Variants in ATP8B4 observed in about 807,000 individuals in gnomAD.
The protein encoded by ATP8B4 is ATPase phospholipid transporting 8B4 (putative).
A neutral mutation model predicts 145.6 loss-of-function variants in ATP8B4; 133 were observed. That is an observed-to-expected ratio of 0.91 (90% CI 0.79 to 1.05). The LOEUF (loss-of-function observed/expected upper bound fraction) is 1.05. Ranked by LOEUF, ATP8B4 falls within the 50% of genes least tolerant of loss-of-function variation. ATP8B4 has a pLI of 0.00. For synonymous variants in ATP8B4, 507 were observed against 492.9 expected (o/e 1.03, Z -0.38); for missense variants, 1,458 against 1,425.2 (o/e 1.02, Z -0.37).
chr15:49,922,213 A>G (rs1390934107), intron 17 of ATP8B4: 3 of 182,398 alleles, frequency 1.6e-5, no homozygotes, highest in African/African-American at 7.2e-5. Flanking sequence ...AGCAAGTTAA[A>G]TTTATATTAC....
intron 3 of ATP8B4, among the ~76,000 whole-genome samples, chr15:50,051,589 G>T (rs1181124050): frequency 1.3e-5 from 2 of 152,162 alleles, no homozygotes; most frequent in Non-Finnish European, 2.9e-5. Flanking sequence ...GCAAAATAGG[G>T]TGTTGGTACT....
At chr15:50,106,898 T>C (rs748813641) in intron 2 of ATP8B4, 41 bp downstream of exon 2, 15 of 1,560,674 alleles carry the variant, frequency 9.6e-6, no homozygotes, top group Non-Finnish European at 1.3e-5. Context: ...ATTATATTTT[T>C]AAAATATCAC....
intron 1 of ATP8B4, among the ~76,000 whole-genome samples, chr15:50,158,472 C>A (rs969085548): frequency 6.6e-6 from 1 of 150,954 alleles, no homozygotes; most frequent in Admixed American, 6.6e-5. Flanking sequence ...CCGCCCCGTC[C>A]GGGAGGGAGG....
chr15:50,169,522 T>C (rs1388570127), intron 1 of ATP8B4, among the ~76,000 whole-genome samples: 1 of 152,174 alleles, frequency 6.6e-6, no homozygotes, highest in African/African-American at 2.4e-5. Flanking sequence ...CAAAAAATTC[T>C]GAACAACACC....
chr15:50,099,834 T>C (rs1600376232), intron 2 of ATP8B4, among the ~76,000 whole-genome samples: 1 of 150,548 alleles, frequency 6.6e-6, no homozygotes, highest in Admixed American at 6.6e-5. Flanking sequence ...AGGTCAGGAG[T>C]TCAAGACCAA....
chr15:50,115,100 G>A (rs1156592438), intron 1 of ATP8B4, among the ~76,000 whole-genome samples: 4 of 152,202 alleles, frequency 2.6e-5, no homozygotes, highest in Non-Finnish European at 5.9e-5. Flanking sequence ...GGAGGCCAAG[G>A]TGGGCAGATG....
intron 2 of ATP8B4, among the ~76,000 whole-genome samples, chr15:50,091,407 T>G (rs1249800357): frequency 6.6e-6 from 1 of 152,146 alleles, no homozygotes; most frequent in Non-Finnish European, 1.5e-5. Flanking sequence ...GGATGAAAAT[T>G]TTTACTTAAA....
chr15:49,927,114 A>C (rs2040794193), intron 16 of ATP8B4, among the ~76,000 whole-genome samples: 1 of 152,166 alleles, frequency 6.6e-6, no homozygotes, highest in African/African-American at 2.4e-5. Context: ...GTCCTTCCAA[A>C]ACTATATAAT....
At chr15:50,064,196 C>T (rs1299024298) in intron 3 of ATP8B4, among the ~76,000 whole-genome samples, 2 of 150,412 alleles carry the variant, frequency 1.3e-5, no homozygotes, top group African/African-American at 4.8e-5. Context: ...TAAAAAAAGC[C>T]CTTCTTCCCT....
rs367716194 is a variant in ATP8B4 at position 50,044,704 on chromosome 15, A to T, written c.202-12T>A. The T allele has an allele frequency of 6.3e-7, 1 of 1,587,136 alleles. No individual in the cohort carries two copies. Among genetic ancestry groups the T allele is most frequent in the East Asian group, 2.2e-5 (1 of 44,712 alleles). ...ATTTCTGGAATTAGCTGAAACAAAC[A>T]TTCCAAATAGTTTAGGGCTTTTAAA... On this transcript the variant is annotated splice_polypyrimidine_tract_variant and intron_variant, in intron 4 of 27. Transcript: ENST00000284509.
At chr15:50,065,542 T>A (rs2053324243) in intron 3 of ATP8B4, among the ~76,000 whole-genome samples, 1 of 152,188 alleles carries the variant, frequency 6.6e-6, no homozygotes, top group African/African-American at 2.4e-5. Flanking sequence ...CACAGTTGAT[T>A]TATGGATTAT....
At chr15:50,087,571 G>A (rs540120715) in intron 2 of ATP8B4, among the ~76,000 whole-genome samples, 5 of 151,164 alleles carry the variant, frequency 3.3e-5, no homozygotes, top group African/African-American at 1.2e-4. Flanking sequence ...CTTTTTTCAT[G>A]GGGATTTCAC....
chr15:50,159,320 C>T (rs1421290948), intron 1 of ATP8B4, among the ~76,000 whole-genome samples: 1 of 152,114 alleles, frequency 6.6e-6, no homozygotes, highest in African/African-American at 2.4e-5. Flanking sequence ...TATAGAAATG[C>T]TACTGATTTT....
At chr15:49,972,872 C>T (rs1172901350) in intron 12 of ATP8B4, 82 bp from the exon 13 acceptor site, 1 of 1,383,396 alleles carries the variant, frequency 7.2e-7, no homozygotes, top group Admixed American at 2.2e-5. Context: ...AATAAGAAGT[C>T]TGCCAAAGTC....
intron 25 of ATP8B4, among the ~76,000 whole-genome samples, chr15:49,868,542 T>C (rs578204182): frequency 6.6e-6 from 1 of 152,234 alleles, no homozygotes; most frequent in South Asian, 2.1e-4. Context: ...TAGTTCTAGA[T>C]GAGTAATAAT....
chr15:49,883,554 C>T (rs894462792), intron 23 of ATP8B4: 7 of 152,186 alleles, frequency 4.6e-5, no homozygotes, highest in Admixed American at 4.6e-4. Flanking sequence ...AAGTGCTTTA[C>T]ATATATCGGC....
At chr15:49,861,707 T>C (rs566784274) in intron 27 of ATP8B4, among the ~76,000 whole-genome samples, 119 of 152,350 alleles carry the variant, frequency 7.8e-4, no homozygotes, top group African/African-American at 2.6e-3. Flanking sequence ...AAGGAATTTC[T>C]ATAACCTGTT....
chr15:50,029,287 T>C (rs2153590072), intron 6 of ATP8B4, among the ~76,000 whole-genome samples: 1 of 148,920 alleles, frequency 6.7e-6, no homozygotes, highest in East Asian at 1.9e-4. Context: ...TTTATTCTCT[T>C]GCAGCTCTTC....
chr15:50,084,935 A>C (rs931692721), intron 2 of ATP8B4, among the ~76,000 whole-genome samples: 1 of 152,156 alleles, frequency 6.6e-6, no homozygotes, highest in African/African-American at 2.4e-5. Context: ...TCACTTAAGC[A>C]CATCCACAAA....
Sources: gnomAD v4.1 joint callset for allele counts (sites outside exome capture counted in the v4.1 genomes callset) on GRCh38, gnomAD v4.1.1 for gene constraint, MANE v1.5 for transcripts, NCBI Gene and HGNC (gene_info 2026-07-23, HGNC 2026-07-21) for gene names.